The following CNTNAP2 variants were observed in gnomAD, a reference collection of about 807,000 sequenced individuals.
CNTNAP2 encodes the protein contactin associated protein 2.
A neutral mutation model predicts 155.2 loss-of-function variants in CNTNAP2; 98 were observed. The ratio of observed to expected loss-of-function variants is 0.63; its 90% CI spans 0.54 to 0.75. CNTNAP2 has a LOEUF of 0.75. Among genes scored for constraint, CNTNAP2 ranks in the 30% least tolerant of loss-of-function variants. The pLI is 0.00. For synonymous variants in CNTNAP2, 651 were observed against 631.2 expected, an observed-to-expected ratio of 1.03 and a Z score of -0.47; for missense variants, 1,727 against 1,688.1, an observed-to-expected ratio of 1.02 and a Z score of -0.40.
At chr7:147,314,501 T>C (rs888054155) in intron 9 of CNTNAP2, among the ~76,000 whole-genome samples, 1 of 149,164 alleles carries the variant, frequency 6.7e-6, no homozygotes. Context: ...TACCTCACAA[T>C]TGGGAAGAGA....
intron 16 of CNTNAP2, among the ~76,000 whole-genome samples, chr7:148,119,291 A>G (rs1201785971): frequency 6.6e-6 from 1 of 151,784 alleles, no homozygotes; most frequent in Non-Finnish European, 1.5e-5. Context: ...TGGGAGGCTG[A>G]TTTGGGTGGA....
chr7:148,086,332 C>T (rs1026549424), intron 15 of CNTNAP2, among the ~76,000 whole-genome samples: 1 of 152,142 alleles, frequency 6.6e-6, no homozygotes, highest in Admixed American at 6.6e-5. Context: ...ATCAACATTT[C>T]TCAAGTATCT....
At chr7:148,341,017 A>T (rs1480793161) in intron 21 of CNTNAP2, among the ~76,000 whole-genome samples, 1 of 152,240 alleles carries the variant, frequency 6.6e-6, no homozygotes, top group Non-Finnish European at 1.5e-5. Flanking sequence ...CAAGGCCAAG[A>T]TCTGGATTCT....
chr7:147,917,752 T>C (rs1800185244), intron 14 of CNTNAP2, among the ~76,000 whole-genome samples: 1 of 152,150 alleles, frequency 6.6e-6, no homozygotes, highest in Non-Finnish European at 1.5e-5. Flanking sequence ...TCGGAAGTGT[T>C]AATTCTTCAA....
At chr7:147,074,419 C>T (rs932101108) in intron 4 of CNTNAP2, among the ~76,000 whole-genome samples, 1 of 152,142 alleles carries the variant, frequency 6.6e-6, no homozygotes, top group Non-Finnish European at 1.5e-5. Context: ...CCTCCCCATC[C>T]TCATCTCTGC....
rs962867195 is a variant in CNTNAP2 at position 148,306,844 on chromosome 7, C to T, written c.3475+39718C>T. ...TTCTCCTGTGTTTGAGACATGTCCT[C>T]AAATGCCTGGTTCCCCTTTAGCTGA... On this transcript the variant is annotated intron_variant, in intron 21 of 23. Coordinates refer to ENST00000361727, the MANE Select transcript of CNTNAP2 (RefSeq NM_014141.6). Among the ~76,000 whole-genome samples the T allele has an allele frequency of 1.4e-4, 21 of 151,998 alleles. 1 individual carries two copies. Among genetic ancestry groups the T allele is most frequent in the African/African-American group, 5.1e-4 (21 of 41,356 alleles).
intron 13 of CNTNAP2, among the ~76,000 whole-genome samples, chr7:147,690,066 C>G (rs1406086965): frequency 6.6e-6 from 1 of 152,114 alleles, no homozygotes; most frequent in Non-Finnish European, 1.5e-5. Flanking sequence ...TCCTCATTGT[C>G]TACAGAGGGT....
chr7:146,891,497 AG>A (rs1351364246), intron 3 of CNTNAP2, among the ~76,000 whole-genome samples: 1 of 152,232 alleles, frequency 6.6e-6, no homozygotes, highest in Non-Finnish European at 1.5e-5. Context: ...AGGTGAAAAA[AG>A]TCAGAAGTTA....
intron 18 of CNTNAP2, among the ~76,000 whole-genome samples, chr7:148,185,594 C>T (rs1430564070): frequency 6.6e-6 from 1 of 152,156 alleles, no homozygotes; most frequent in Non-Finnish European, 1.5e-5. Context: ...AGGTCTAAGC[C>T]AAATGTAACC....
At chr7:146,817,703 C>A (rs796800987) in intron 2 of CNTNAP2, among the ~76,000 whole-genome samples, 3 of 151,888 alleles carry the variant, frequency 2.0e-5, no homozygotes, top group African/African-American at 7.3e-5. Context: ...TTTAAACAAC[C>A]AGATCTCGTG....
At chr7:147,649,911 T>C (rs1563038646) in intron 13 of CNTNAP2, among the ~76,000 whole-genome samples, 1 of 151,998 alleles carries the variant, frequency 6.6e-6, no homozygotes, top group Non-Finnish European at 1.5e-5. Context: ...GATAAAATAA[T>C]GTAACAAAAT....
intron 11 of CNTNAP2, among the ~76,000 whole-genome samples, chr7:147,554,373 A>ATT (rs58354911): frequency 6.7e-6 from 1 of 148,352 alleles, no homozygotes; most frequent in African/African-American, 2.5e-5. Flanking sequence ...AGTATGGATT[A>ATT]TTTTTTTTTT....
chr7:148,255,747 C>T (rs1796444256), intron 20 of CNTNAP2, among the ~76,000 whole-genome samples: 2 of 152,274 alleles, frequency 1.3e-5, no homozygotes, highest in South Asian at 4.2e-4. Flanking sequence ...TTTAAAATTG[C>T]TTATCAAGCC....
intron 20 of CNTNAP2, among the ~76,000 whole-genome samples, chr7:148,243,609 C>A (rs1796198910): frequency 6.6e-6 from 1 of 151,882 alleles, no homozygotes; most frequent in African/African-American, 2.4e-5. Flanking sequence ...TTTTTAAACC[C>A]GTCAGATCTC....
At chr7:146,438,919 T>G (rs1404431190) in intron 1 of CNTNAP2, among the ~76,000 whole-genome samples, 1 of 151,580 alleles carries the variant, frequency 6.6e-6, no homozygotes, top group African/African-American at 2.4e-5. Flanking sequence ...AGCATAGATT[T>G]TAATGCCTCT....
At chr7:147,811,979 A>G (rs1365478146) in intron 13 of CNTNAP2, among the ~76,000 whole-genome samples, 1 of 152,212 alleles carries the variant, frequency 6.6e-6, no homozygotes, top group African/African-American at 2.4e-5. Context: ...CAAAGTATAG[A>G]GTAGATTAGA....
At chr7:148,392,813 T>C (rs1254788568) in intron 22 of CNTNAP2, among the ~76,000 whole-genome samples, 1 of 152,116 alleles carries the variant, frequency 6.6e-6, no homozygotes, top group African/African-American at 2.4e-5. Context: ...GTGGGTCTTC[T>C]CCCAGATATA....
intron 13 of CNTNAP2, among the ~76,000 whole-genome samples, chr7:147,775,408 T>C (rs1379177076): frequency 8.6e-6 from 1 of 115,842 alleles, no homozygotes; most frequent in Non-Finnish European, 1.7e-5. Context: ...TATATTTATA[T>C]ATATATTTAT....
chr7:148,215,845 G>T (rs150015190), intron 18 of CNTNAP2, among the ~76,000 whole-genome samples: 51 of 152,244 alleles, frequency 3.3e-4, no homozygotes, highest in African/African-American at 1.2e-3. Flanking sequence ...GTCGGACTTC[G>T]CTGCTCTGTG....
Sources: allele counts gnomAD v4.1 joint callset (sites outside exome capture counted in the v4.1 genomes callset), GRCh38; gene constraint gnomAD v4.1.1; transcripts MANE v1.5; gene names NCBI Gene and HGNC (gene_info 2026-07-23, HGNC 2026-07-21).